The following XRCC6 variants were observed in gnomAD, a reference collection of about 807,000 sequenced individuals.
XRCC6 encodes the protein DNA repair protein Ku70.
Under a neutral mutation model 65.7 loss-of-function variants are expected in XRCC6, and 5 were observed. That is an observed-to-expected ratio of 0.08 (90% confidence interval 0.04 to 0.16). The LOEUF (loss-of-function observed/expected upper bound fraction) is 0.16. Ranked by LOEUF, XRCC6 falls within the 10% of genes least tolerant of loss-of-function variation. The pLI, the probability that XRCC6 is intolerant of heterozygous loss-of-function variation, is 1.00. For synonymous variants in XRCC6, 270 were observed against 270.6 expected (o/e 1.00, Z 0.02); for missense variants, 447 against 738.1 (o/e 0.61, Z 4.57).
chr22:41,625,648 C>G (rs1371089291), intron 2 of XRCC6, among the ~76,000 whole-genome samples: 1 of 152,032 alleles, frequency 6.6e-6, no homozygotes, highest in African/African-American at 2.4e-5. Context: ...GGACAGAGGA[C>G]TCTGTTAATC....
chr22:41,658,420 A>G, intron 11 of XRCC6, 68 bp downstream of exon 11: 2 of 1,456,236 alleles, frequency 1.4e-6, no homozygotes, highest in Non-Finnish European at 1.9e-6. Context: ...CTGCACCAGT[A>G]ATTTGGGTGC....
intron 9 of XRCC6, among the ~76,000 whole-genome samples, chr22:41,653,929 T>C (rs896114606): frequency 1.3e-5 from 2 of 152,148 alleles, no homozygotes; most frequent in Non-Finnish European, 2.9e-5. Flanking sequence ...TAGAGAAATG[T>C]CTGCCTAGGG....
intron 3 of XRCC6, among the ~76,000 whole-genome samples, chr22:41,633,867 C>T (rs185753378): frequency 2.6e-5 from 4 of 152,138 alleles, no homozygotes; most frequent in East Asian, 1.9e-4. Context: ...ATTTGATAAC[C>T]GATAATAAGT....
intron 6 of XRCC6, among the ~76,000 whole-genome samples, chr22:41,645,618 A>C (rs1437505315): frequency 6.6e-6 from 1 of 152,026 alleles, no homozygotes; most frequent in African/African-American, 2.4e-5. Flanking sequence ...GGGAAGGGTA[A>C]TTCCCAAAGA....
chr22:41,641,162 G>A (rs1202919722), intron 6 of XRCC6, among the ~76,000 whole-genome samples: 2 of 151,790 alleles, frequency 1.3e-5, no homozygotes, highest in East Asian at 1.9e-4. Flanking sequence ...TGCTTGGCCC[G>A]TGGTAATTAT....
Position 41,636,775 on chromosome 22 carries a change from G to C in XRCC6, c.589+5G>C, listed in dbSNP as rs759436250. The C allele has an allele frequency of 2.0e-5, 32 of 1,611,618 alleles. No homozygotes were observed. In the Middle Eastern group the frequency reaches 6.6e-4, roughly 33 times the overall value. On this transcript the variant is annotated splice_donor_5th_base_variant and intron_variant, in intron 5 of 12. Transcript: ENST00000360079. ...CCGGTGATCTCCGAGATACAGGTGG[G>C]CATATTTCCCCGTTCTCTTAAATTG...
At chr22:41,634,623 C>T (rs1312338031) in intron 3 of XRCC6, among the ~76,000 whole-genome samples, 4 of 151,650 alleles carry the variant, frequency 2.6e-5, no homozygotes, top group Non-Finnish European at 1.5e-5. Flanking sequence ...CAGCCCACTG[C>T]AACCTCCACC....
At chr22:41,647,463 C>G (rs1003410690) in intron 7 of XRCC6, among the ~76,000 whole-genome samples, 39 of 151,932 alleles carry the variant, frequency 2.6e-4, no homozygotes, top group Non-Finnish European at 5.0e-4. Context: ...TGCCTGTAAT[C>G]CCAGCTACTC....
At chr22:41,646,819 C>A in intron 6 of XRCC6, 77 bp from the exon 7 acceptor site, 1 of 1,221,034 alleles carries the variant, frequency 8.2e-7, no homozygotes, top group Non-Finnish European at 1.2e-6. Flanking sequence ...AACAGTGAAG[C>A]TTTGGTGTTA....
Position 41,657,490 on chromosome 22 carries a change from T to TTTATTATTA in XRCC6, c.1421+497_1421+505dup, listed in dbSNP as rs138171458. Among the ~76,000 whole-genome samples, 1,193 of 138,220 alleles carry TTTATTATTA rather than the reference T, an allele frequency of 8.6e-3. 13 individuals are homozygous for TTTATTATTA. Among genetic ancestry groups the TTTATTATTA allele is most frequent in the South Asian group, 0.021 (89 of 4,180 alleles). 90.7% of individuals were successfully genotyped at this position (138,220 alleles called of 152,430 possible). Reference sequence around the variant, plus strand: ...TTTTTTCACATGTCATTTTTAAAAATTTATTATTATTATTATTATTATTAT... The same window carrying TTTATTATTA: ...TTTTTTCACATGTCATTTTTAAAAATTTATTATTATTATTATTATTATTATTATTATTAT... On this transcript the variant is annotated intron_variant, in intron 10 of 12. Transcript: ENST00000360079.
At chr22:41,649,139 A>AAAATATATATATATATATATATATAT in intron 7 of XRCC6, among the ~76,000 whole-genome samples, 55 of 88,668 alleles carry the variant, frequency 6.2e-4, no homozygotes, top group South Asian at 1.3e-3. Flanking sequence ...AAAAAAAAAA[A>AAAATATATATATATATATATATATAT]ATATATATAT....
At chr22:41,654,926 A>G (rs1025599748) in intron 9 of XRCC6, among the ~76,000 whole-genome samples, 13 of 152,238 alleles carry the variant, frequency 8.5e-5, no homozygotes, top group African/African-American at 3.1e-4. Flanking sequence ...ATAGTCAACC[A>G]TGGTCCAAAA....
chr22:41,639,333 T>TTTTTTTTTTTG (rs2067848147), intron 6 of XRCC6, among the ~76,000 whole-genome samples: 1 of 89,956 alleles, frequency 1.1e-5, no homozygotes, highest in African/African-American at 5.5e-5. Context: ...CTTTTTCTTT[T>TTTTTTTTTTTG]TTTTTTTTTT....
At chr22:41,629,048 T>C (rs1458857700) in intron 3 of XRCC6, among the ~76,000 whole-genome samples, 1 of 151,828 alleles carries the variant, frequency 6.6e-6, no homozygotes, top group African/African-American at 2.4e-5. Flanking sequence ...TCAGCATGTT[T>C]AGTCATTAGA....
chr22:41,663,916 T>G lies in XRCC6; in HGVS notation c.*101T>G, dbSNP rs983770234. On this transcript the variant is annotated 3_prime_UTR_variant, in exon 13 of 13. Coordinates refer to ENST00000360079, the MANE Select transcript of XRCC6 (RefSeq NM_001469.5). ...TGTTTCTCCTGAGCTAGGAAGAGTCTACCCGACATAAGTCGAGGGACTTTA... is the reference window on the plus strand; with the variant it reads ...TGTTTCTCCTGAGCTAGGAAGAGTCGACCCGACATAAGTCGAGGGACTTTA... The G allele has an allele frequency of 3.1e-6, 4 of 1,274,946 alleles. No individual in the cohort carries two copies. In the African/African-American group the frequency reaches 4.5e-5, roughly 14 times the overall value. The allele number at this position is 1,274,946 out of a possible 1,614,324, so 79.0% of individuals were successfully genotyped here. A position where few individuals can be genotyped will look rare whatever the true frequency, so the allele number is the denominator to read the frequency against.
chr22:41,654,773 G>T (rs1190626005), intron 9 of XRCC6, among the ~76,000 whole-genome samples: 1 of 152,174 alleles, frequency 6.6e-6, no homozygotes, highest in African/African-American at 2.4e-5. Flanking sequence ...GCACTGTCCG[G>T]CTAGCTCTGG....
At chr22:41,638,844 C>A (rs1357186864) in intron 6 of XRCC6, among the ~76,000 whole-genome samples, 3 of 150,616 alleles carry the variant, frequency 2.0e-5, no homozygotes, top group Non-Finnish European at 4.4e-5. Flanking sequence ...AGGGCACTTA[C>A]CACGAATGGA....
chr22:41,642,841 A>G (rs989165564), intron 6 of XRCC6, among the ~76,000 whole-genome samples: 1 of 152,182 alleles, frequency 6.6e-6, no homozygotes, highest in Non-Finnish European at 1.5e-5. Context: ...AAGCCACCAA[A>G]TGGTTGATGT....
At chr22:41,644,411 G>A (rs754697242) in intron 6 of XRCC6, among the ~76,000 whole-genome samples, 3 of 151,830 alleles carry the variant, frequency 2.0e-5, no homozygotes, top group South Asian at 2.1e-4. Flanking sequence ...GTTATTTTAC[G>A]TTCTTTTTTT....
Sources: gnomAD v4.1 joint callset for allele counts (sites outside exome capture counted in the v4.1 genomes callset) on GRCh38, gnomAD v4.1.1 for gene constraint, MANE v1.5 for transcripts, NCBI Gene and HGNC (gene_info 2026-07-23, HGNC 2026-07-21) for gene names.